The following TESK2 variants were observed in gnomAD, a reference collection of about 807,000 sequenced individuals.
TESK2 encodes the protein testis associated actin remodelling kinase 2, also known as dual specificity testis-specific protein kinase 2.
A neutral mutation model predicts 57.1 loss-of-function variants in TESK2; 39 were observed. That is an observed-to-expected ratio of 0.68 (90% CI 0.53 to 0.89). The LOEUF is 0.89. Ranked by LOEUF, TESK2 falls within the 40% of genes least tolerant of loss-of-function variation. The pLI, the probability that TESK2 is intolerant of heterozygous loss-of-function variation, is 0.00. For missense variants in TESK2, 646 were observed against 732.1 expected, an observed-to-expected ratio of 0.88 and a Z score of 1.36; for synonymous variants, 249 against 267.9, an observed-to-expected ratio of 0.93 and a Z score of 0.69.
chr1:45,364,250 C>CA (rs780099385), intron 4 of TESK2, among the ~76,000 whole-genome samples: 1 of 152,052 alleles, frequency 6.6e-6, no homozygotes, highest in Non-Finnish European at 1.5e-5. Context: ...CCAATGTAAT[C>CA]AAGTTAAGAT....
chr1:45,462,465 G>T (rs975865713), intron 1 of TESK2, among the ~76,000 whole-genome samples: 8 of 152,026 alleles, frequency 5.3e-5, no homozygotes, highest in African/African-American at 1.9e-4. Flanking sequence ...GTAGAGACGA[G>T]GTTTCACCGT....
Position 45,473,022 on chromosome 1 carries a change from C to T in TESK2, c.-86-15151G>A, listed in dbSNP as rs184520736. On this transcript the variant is annotated intron_variant, in intron 1 of 10. Transcript: ENST00000372086. Reference sequence around the variant, plus strand: ...CAAAAAAATTAGCCAGGTGTGGTGGCGGGTGCCTGTAGTCCCAGCTAATCG... The same window carrying T: ...CAAAAAAATTAGCCAGGTGTGGTGGTGGGTGCCTGTAGTCCCAGCTAATCG... 2.9e-3 allele frequency among the ~76,000 whole-genome samples: 428 copies of T among 149,008 alleles called. 4 individuals are homozygous for T. Among genetic ancestry groups the T allele is most frequent in the East Asian group, 0.018 (94 of 5,098 alleles).
intron 2 of TESK2, among the ~76,000 whole-genome samples, chr1:45,423,321 A>G (rs1387717616): frequency 6.6e-6 from 1 of 152,066 alleles, no homozygotes; most frequent in Non-Finnish European, 1.5e-5. Flanking sequence ...ACTTTGGGAG[A>G]CCAAGGGGGA....
At chr1:45,436,734 T>C (rs11211109) in intron 2 of TESK2, among the ~76,000 whole-genome samples, 78,935 of 150,402 alleles carry the variant, frequency 0.52, 21,146 homozygotes, top group African/African-American at 0.63. Flanking sequence ...GTGATCCTCC[T>C]GCCTTGGCCT....
chr1:45,485,618 A>G (rs1429686803), intron 1 of TESK2, among the ~76,000 whole-genome samples: 2 of 151,606 alleles, frequency 1.3e-5, no homozygotes, highest in Non-Finnish European at 2.9e-5. Context: ...TCCTGGGTAG[A>G]AGTGATTCTC....
Position 45,347,955 on chromosome 1 carries a change from C to T in TESK2, c.586G>A (p.Ala196Thr). The change falls in exon 6 of 11, where the codon GCT becomes ACT. Residue 196 changes from alanine (A) to threonine (T), a missense_variant. Ala to Thr is a moderately conservative substitution (Grantham distance 58). Coordinates refer to ENST00000372086, the MANE Select transcript of TESK2 (RefSeq NM_007170.3). ...ATCTTCTCAGCCAGGCCAAAGTCAG[C>T]TACCACTGCAGAGTAACCATTCTCA... ...RDENGYSAVV[A>T]DFGLAEKIPD... The T allele has an allele frequency of 6.2e-7, 1 of 1,613,972 alleles. No individual in the cohort carries two copies. Among genetic ancestry groups the T allele is most frequent in the Non-Finnish European group, 8.5e-7 (1 of 1,179,838 alleles).
rs142089051 is a variant in TESK2, at chr1:45,414,853, C to G, written c.344+6872G>C. On this transcript the variant is annotated intron_variant, in intron 3 of 10. Coordinates refer to ENST00000372086, the MANE Select transcript of TESK2 (RefSeq NM_007170.3). ...TGGACAGCAGAAATATAGAACATTT[C>G]CATCACTGCAGAAGGTTCTATTGGA... Among the ~76,000 whole-genome samples, 491 of 152,246 alleles carry G rather than the reference C, an allele frequency of 3.2e-3. 7 individuals are homozygous for G. The highest frequency in any genetic ancestry group is 0.011 in the African/African-American group (465 of 41,556).
intron 7 of TESK2, 114 bp downstream of exon 7, chr1:45,347,495 G>A: frequency 1.1e-6 from 1 of 942,980 alleles, no homozygotes; most frequent in Non-Finnish European, 1.6e-6. Flanking sequence ...GAACTCGGGA[G>A]GCAGTAAGCC....
Position 45,484,108 on chromosome 1 carries a change from T to C in TESK2, c.-87+6744A>G, listed in dbSNP as rs750252337. Among the ~76,000 whole-genome samples, 557 of 139,494 alleles carry C rather than the reference T, an allele frequency of 4.0e-3. 4 individuals are homozygous for C. Among genetic ancestry groups the C allele is most frequent in the Non-Finnish European group, 5.8e-3 (375 of 64,634 alleles). 91.5% of individuals were successfully genotyped at this position (139,494 alleles called of 152,430 possible). A position where few individuals can be genotyped will look rare whatever the true frequency, so the allele number is the denominator to read the frequency against. ...ATCATTTCATTTTTAATTCTTCTTT[T>C]TTTTTTTTTTTTTTTTTGAGATGGA... On this transcript the variant is annotated intron_variant, in intron 1 of 10. Transcript: ENST00000372086.
chr1:45,463,822 C>G (rs942231999), intron 1 of TESK2, among the ~76,000 whole-genome samples: 2 of 152,126 alleles, frequency 1.3e-5, no homozygotes, highest in African/African-American at 4.8e-5. Context: ...CTCCTAGGCT[C>G]AAGCGATCCA....
chr1:45,466,495 A>G (rs573528529), intron 1 of TESK2, among the ~76,000 whole-genome samples: 1 of 151,768 alleles, frequency 6.6e-6, no homozygotes, highest in Admixed American at 6.6e-5. Context: ...AAACAAAAAC[A>G]AAAATTACCC....
At chr1:45,352,888 A>AT (rs1647270951) in intron 5 of TESK2, among the ~76,000 whole-genome samples, 1 of 150,518 alleles carries the variant, frequency 6.6e-6, no homozygotes, top group African/African-American at 2.4e-5. Flanking sequence ...AACAAATGCA[A>AT]TTTTCTTTTT....
intron 4 of TESK2, among the ~76,000 whole-genome samples, chr1:45,359,422 T>C (rs1387244659): frequency 4.6e-5 from 7 of 151,598 alleles, no homozygotes; most frequent in Non-Finnish European, 7.4e-5. Flanking sequence ...TAGCCGGGCA[T>C]GGTGGTGGGT....
intron 1 of TESK2, among the ~76,000 whole-genome samples, chr1:45,487,785 T>A (rs531345920): frequency 6.6e-6 from 1 of 152,310 alleles, no homozygotes; most frequent in African/African-American, 2.4e-5. Context: ...CCATTTTGAA[T>A]CAATCCAACC....
chr1:45,479,395 T>C (rs1454116320), intron 1 of TESK2, among the ~76,000 whole-genome samples: 3 of 152,126 alleles, frequency 2.0e-5, no homozygotes, highest in South Asian at 4.2e-4. Context: ...ACAAGATCAA[T>C]ACCACCCTAG....
chr1:45,388,021 T>G (rs183911187), intron 3 of TESK2, among the ~76,000 whole-genome samples: 1 of 152,038 alleles, frequency 6.6e-6, no homozygotes, highest in African/African-American at 2.4e-5. Context: ...AATAAATAAA[T>G]TGATTAATTA....
At chr1:45,382,420 G>C (rs1288356405) in intron 4 of TESK2, among the ~76,000 whole-genome samples, 1 of 152,030 alleles carries the variant, frequency 6.6e-6, no homozygotes, top group African/African-American at 2.4e-5. Flanking sequence ...TGTATTTTTT[G>C]TAGAGACAGG....
intron 4 of TESK2, among the ~76,000 whole-genome samples, chr1:45,359,006 AAG>A (rs1647564019): frequency 6.6e-6 from 1 of 152,210 alleles, no homozygotes. Context: ...AAGGGAGAAA[AAG>A]AGGGAAATTC....
chr1:45,376,240 C>CA (rs1367772286), intron 4 of TESK2, among the ~76,000 whole-genome samples: 2 of 103,472 alleles, frequency 1.9e-5, no homozygotes, highest in Non-Finnish European at 3.5e-5. Context: ...TTTTTTGAGA[C>CA]AGAGTCTCAC....
Sources: allele counts gnomAD v4.1 joint callset (sites outside exome capture counted in the v4.1 genomes callset), GRCh38; gene constraint gnomAD v4.1.1; transcripts MANE v1.5; gene names NCBI Gene and HGNC (gene_info 2026-07-23, HGNC 2026-07-21).